Variants in PATJ observed in about 807,000 individuals in gnomAD.
PATJ encodes PATJ crumbs cell polarity complex component, also known as inaD-like protein.
Under a neutral mutation model 224.9 loss-of-function variants are expected in PATJ, and 190 were observed. That is an observed-to-expected ratio of 0.84 (90% CI 0.75 to 0.95). PATJ has a LOEUF of 0.95. Among genes scored for constraint, PATJ ranks in the 40% least tolerant of loss-of-function variants. The pLI, the probability that PATJ is intolerant of heterozygous loss-of-function variation, is 0.00. For synonymous variants in PATJ, 769 were observed against 820.3 expected (o/e 0.94, Z 1.07); for missense variants, 2,121 against 2,270.3 (o/e 0.93, Z 1.34).
At chr1:61,851,414 C>T (rs1662785167) in intron 17 of PATJ, among the ~76,000 whole-genome samples, 1 of 151,980 alleles carries the variant, frequency 6.6e-6, no homozygotes, top group African/African-American at 2.4e-5. Context: ...TCAGGGAGGG[C>T]GTTCGTGGCT....
intron 16 of PATJ, among the ~76,000 whole-genome samples, chr1:61,829,259 T>C (rs1168551376): frequency 6.6e-6 from 1 of 152,224 alleles, no homozygotes; most frequent in African/African-American, 2.4e-5. Context: ...TAAGAGGGGC[T>C]TGGTAAATTT....
intron 28 of PATJ, among the ~76,000 whole-genome samples, chr1:61,991,161 A>G (rs963937654): frequency 1.1e-4 from 17 of 151,972 alleles, no homozygotes; most frequent in Admixed American, 7.2e-4. Context: ...AAAGATATTT[A>G]TACTACAAAA....
chr1:62,003,561 G>T (rs184187962), intron 28 of PATJ, among the ~76,000 whole-genome samples: 2 of 152,284 alleles, frequency 1.3e-5, no homozygotes, highest in Middle Eastern at 3.4e-3. Flanking sequence ...TCAGCACTGC[G>T]ATTTCCATTA....
At chr1:62,125,236 CA>C (rs761278812) in intron 39 of PATJ, among the ~76,000 whole-genome samples, 64 of 27,742 alleles carry the variant, frequency 2.3e-3, no homozygotes, top group Middle Eastern at 0.019. Context: ...AACCCTGTCT[CA>C]AAAAAAAAAA....
intron 1 of PATJ, among the ~76,000 whole-genome samples, chr1:61,749,329 T>C (rs566611680): frequency 6.6e-4 from 100 of 152,156 alleles, no homozygotes; most frequent in African/African-American, 2.3e-3. Flanking sequence ...TATTAACTCT[T>C]TTTTACAAAC....
At chr1:61,784,553 AT>A (rs1648082314) in intron 7 of PATJ, among the ~76,000 whole-genome samples, 1 of 152,244 alleles carries the variant, frequency 6.6e-6, no homozygotes, top group Admixed American at 6.5e-5. Context: ...AAGAGTTGAG[AT>A]AAAATAGAAG....
chr1:61,960,460 G>A (rs546710175), intron 27 of PATJ, among the ~76,000 whole-genome samples: 19 of 151,958 alleles, frequency 1.3e-4, no homozygotes, highest in Non-Finnish European at 1.9e-4. Flanking sequence ...TCAGGAGTTC[G>A]AGACCAGCCT....
intron 1 of PATJ, among the ~76,000 whole-genome samples, chr1:61,747,518 A>G (rs1645084589): frequency 1.3e-5 from 2 of 152,190 alleles, no homozygotes; most frequent in African/African-American, 2.4e-5. Flanking sequence ...AATGTTCAAG[A>G]ATGTGTCTTG....
At chr1:61,853,426 T>A (rs928784304) in intron 17 of PATJ, among the ~76,000 whole-genome samples, 1 of 152,340 alleles carries the variant, frequency 6.6e-6, no homozygotes, top group South Asian at 2.1e-4. Context: ...TTTTGGTATA[T>A]TTTGCTGTTG....
intron 32 of PATJ, among the ~76,000 whole-genome samples, chr1:62,082,197 T>C (rs1290675435): frequency 6.6e-6 from 1 of 152,060 alleles, no homozygotes; most frequent in African/African-American, 2.4e-5. Context: ...AATATGGCAC[T>C]TTTTATGGTT....
intron 9 of PATJ, among the ~76,000 whole-genome samples, chr1:61,794,566 GTT>G (rs1650644716): frequency 6.6e-6 from 1 of 152,004 alleles, no homozygotes; most frequent in Non-Finnish European, 1.5e-5. Flanking sequence ...TAAAATCAAA[GTT>G]TTAATTTAAA....
At chr1:61,943,061 G>A (rs1465445699) in intron 27 of PATJ, among the ~76,000 whole-genome samples, 1 of 152,168 alleles carries the variant, frequency 6.6e-6, no homozygotes, top group East Asian at 1.9e-4. Flanking sequence ...TCCATACAGT[G>A]GAATACTATT....
chr1:62,108,358 A>G, intron 33 of PATJ, 79 bp from the exon 34 acceptor site: 3 of 668,716 alleles, frequency 4.5e-6, no homozygotes, highest in Non-Finnish European at 7.6e-6. Context: ...ATAGAAAATT[A>G]TGGGTTGCTG....
intron 26 of PATJ, chr1:61,918,192 A>G (rs1035708438): frequency 7.1e-5 from 10 of 141,332 alleles, no homozygotes; most frequent in Non-Finnish European, 3.0e-5. Flanking sequence ...TTTAATAGTT[A>G]TTGAATCATT....
chr1:62,057,864 A>AT (rs1166041084), intron 31 of PATJ, among the ~76,000 whole-genome samples: 1 of 152,202 alleles, frequency 6.6e-6, no homozygotes, highest in Non-Finnish European at 1.5e-5. Flanking sequence ...CTGTGTTAGA[A>AT]TTGCCCTGGA....
chr1:61,820,005 C>T (rs1404787801), intron 14 of PATJ, among the ~76,000 whole-genome samples: 2 of 152,028 alleles, frequency 1.3e-5, no homozygotes, highest in African/African-American at 4.8e-5. Context: ...GTACTTGTTA[C>T]ATTTATTTTT....
intron 1 of PATJ, among the ~76,000 whole-genome samples, chr1:61,749,220 C>T (rs1008685497): frequency 2.0e-5 from 3 of 151,676 alleles, no homozygotes; most frequent in African/African-American, 7.3e-5. Context: ...GTTGGCCAGG[C>T]TGGTCTCGAA....
chr1:61,894,777 G>A (rs184491609), intron 22 of PATJ, among the ~76,000 whole-genome samples: 117 of 152,316 alleles, frequency 7.7e-4, no homozygotes, highest in Non-Finnish European at 2.9e-4. Flanking sequence ...ATGTAGAAGC[G>A]ACTTTGGAAC....
chr1:62,147,676 G>A (rs1668185693), intron 41 of PATJ, among the ~76,000 whole-genome samples: 1 of 152,062 alleles, frequency 6.6e-6, no homozygotes, highest in Non-Finnish European at 1.5e-5. Flanking sequence ...GCACTCGCCT[G>A]TAGTCCCAGC....
Sources: allele counts gnomAD v4.1 joint callset (sites outside exome capture counted in the v4.1 genomes callset), GRCh38; gene constraint gnomAD v4.1.1; transcripts MANE v1.5; gene names NCBI Gene and HGNC (gene_info 2026-07-23, HGNC 2026-07-21).